Variants in ACYP2 observed in about 807,000 individuals in gnomAD.
ACYP2 encodes acylphosphatase 2, also known as acylphosphatase-2.
In ACYP2, 12 loss-of-function variants were observed where a neutral mutation model predicts 11.2. The ratio of observed to expected loss-of-function variants is 1.08; its 90% CI spans 0.69 to 1.74. ACYP2 has a LOEUF of 1.74. ACYP2 is among the 40% of genes most tolerant of loss of function. ACYP2 has a pLI of 0.00. For missense variants in ACYP2, 134 were observed against 101.9 expected, an observed-to-expected ratio of 1.31 and a Z score of -1.35; for synonymous variants, 43 against 32.2, an observed-to-expected ratio of 1.33 and a Z score of -1.13.
chr2:54,224,720 G>A (rs911422033), intron 6 of ACYP2, among the ~76,000 whole-genome samples: 8 of 27,584 alleles, frequency 2.9e-4, no homozygotes, highest in South Asian at 3.5e-3. Flanking sequence ...GTACCAGCCC[G>A]TCTGCCTAGG....
At chr2:54,170,488 G>A (rs1202597788) in intron 6 of ACYP2, among the ~76,000 whole-genome samples, 2 of 151,972 alleles carry the variant, frequency 1.3e-5, no homozygotes, top group Non-Finnish European at 2.9e-5. Context: ...GTGACACTTG[G>A]TGATACTTGG....
intron 4 of ACYP2, among the ~76,000 whole-genome samples, chr2:54,077,371 T>C (rs1483730765): frequency 6.6e-6 from 1 of 152,212 alleles, no homozygotes; most frequent in Non-Finnish European, 1.5e-5. Context: ...GTTGTTGTTG[T>C]TTAACATTTT....
intron 2 of ACYP2, among the ~76,000 whole-genome samples, chr2:54,050,197 A>T (rs1369261240): frequency 1.3e-5 from 2 of 152,224 alleles, no homozygotes; most frequent in African/African-American, 2.4e-5. Context: ...GAACAGTCTA[A>T]AAAATGACAT....
intron 2 of ACYP2, among the ~76,000 whole-genome samples, chr2:53,982,607 C>T (rs767677008): frequency 3.9e-5 from 6 of 152,180 alleles, no homozygotes; most frequent in African/African-American, 9.7e-5. Flanking sequence ...AGAATTCAAT[C>T]GCTCATCCAA....
intron 6 of ACYP2, among the ~76,000 whole-genome samples, chr2:54,268,104 C>G (rs561588426): frequency 1.3e-5 from 2 of 152,320 alleles, no homozygotes; most frequent in East Asian, 1.9e-4. Context: ...CCAGCCATAG[C>G]TGCTTTGAAC....
intron 6 of ACYP2, among the ~76,000 whole-genome samples, chr2:54,176,427 T>G (rs1006866195): frequency 6.6e-6 from 1 of 152,208 alleles, no homozygotes; most frequent in African/African-American, 2.4e-5. Context: ...CTGATGGTTG[T>G]TGAGCTGTCA....
At chr2:54,051,686 A>G (rs538950536) in intron 3 of ACYP2, 6 of 663,040 alleles carry the variant, frequency 9.0e-6, no homozygotes, top group African/African-American at 7.2e-5. Flanking sequence ...ATTGCTGCAT[A>G]TTGAGCTAAA....
intron 6 of ACYP2, among the ~76,000 whole-genome samples, chr2:54,207,236 C>G (rs911201531): frequency 3.0e-5 from 4 of 134,828 alleles, no homozygotes; most frequent in Non-Finnish European, 6.5e-5. Flanking sequence ...ATGGCTCATG[C>G]AATTATGATG....
chr2:54,015,292 A>T (rs1673617149), intron 2 of ACYP2, among the ~76,000 whole-genome samples: 1 of 149,932 alleles, frequency 6.7e-6, no homozygotes, highest in Non-Finnish European at 1.5e-5. Flanking sequence ...CGAGCAGATC[A>T]TGTGAGGACG....
intron 6 of ACYP2, among the ~76,000 whole-genome samples, chr2:54,267,045 A>C (rs1688063931): frequency 1.3e-5 from 2 of 152,172 alleles, no homozygotes; most frequent in African/African-American, 4.8e-5. Flanking sequence ...TCAGCTACAA[A>C]AGAGGGTTAG....
intron 4 of ACYP2, among the ~76,000 whole-genome samples, chr2:54,058,709 A>ATTT (rs58430648): frequency 3.5e-4 from 47 of 135,272 alleles, no homozygotes; most frequent in African/African-American, 1.0e-3. Flanking sequence ...CTGGCTGATA[A>ATTT]TTTTTTTTTT....
chr2:54,254,968 A>G (rs766661078), intron 6 of ACYP2: 1 of 1,613,932 alleles, frequency 6.2e-7, no homozygotes, highest in Non-Finnish European at 8.5e-7. Flanking sequence ...TGGCTCCCTT[A>G]CCAGGCGACG....
intron 2 of ACYP2, among the ~76,000 whole-genome samples, chr2:54,002,821 T>A (rs1417763937): frequency 2.7e-5 from 4 of 150,764 alleles, no homozygotes; most frequent in Admixed American, 6.6e-5. Context: ...CTGGCTAATT[T>A]AGTATTTTTA....
In ACYP2 at chr2:54,255,574, G is replaced by C. The variant is rs760017792; in HGVS notation, c.405-49114G>C. 8 of 1,612,644 alleles carry C rather than the reference G, an allele frequency of 5.0e-6. No homozygotes were observed. In the Admixed American group the frequency reaches 1.2e-4, roughly 24 times the overall value. On this transcript the variant is annotated intron_variant, in intron 6 of 6. Transcript: ENST00000607452. ...GTGGAGACCCACGTTCAGGGGCCCG[G>C]GCCCGGGCCCAGGCCCTGCCTCCCT...
chr2:54,169,626 T>C (rs1683145144), intron 6 of ACYP2, among the ~76,000 whole-genome samples: 1 of 152,190 alleles, frequency 6.6e-6, no homozygotes, highest in South Asian at 2.1e-4. Context: ...GCCATATCCA[T>C]GTACTCTAGA....
intron 6 of ACYP2, among the ~76,000 whole-genome samples, chr2:54,227,572 C>T (rs1444251299): frequency 1.3e-5 from 2 of 151,334 alleles, no homozygotes; most frequent in Admixed American, 6.6e-5. Flanking sequence ...CCTGGAAGGC[C>T]GAGACTGCGC....
intron 2 of ACYP2, among the ~76,000 whole-genome samples, chr2:54,031,900 G>A (rs1232942970): frequency 6.6e-6 from 1 of 152,166 alleles, no homozygotes; most frequent in Non-Finnish European, 1.5e-5. Flanking sequence ...TTTTTCATGT[G>A]TCTTTTGGCC....
chr2:54,108,867 ATATTTTCCTTT>A (rs1679310521), intron 4 of ACYP2, among the ~76,000 whole-genome samples: 1 of 152,106 alleles, frequency 6.6e-6, no homozygotes, highest in Non-Finnish European at 1.5e-5. Context: ...AATTATAATG[ATATTTTCCTTT>A]ACTTTTCCTT....
intron 6 of ACYP2, among the ~76,000 whole-genome samples, chr2:54,184,718 C>G (rs1286460081): frequency 6.6e-6 from 1 of 152,064 alleles, no homozygotes; most frequent in Non-Finnish European, 1.5e-5. Context: ...TTTACTAGCC[C>G]TTGCTGAAAT....
Sources: gnomAD v4.1 joint callset for allele counts (sites outside exome capture counted in the v4.1 genomes callset) on GRCh38, gnomAD v4.1.1 for gene constraint, MANE v1.5 for transcripts, NCBI Gene and HGNC (gene_info 2026-07-23, HGNC 2026-07-21) for gene names.